ITIH2: variants seen among roughly 807,000 people sequenced by gnomAD.
ITIH2 encodes the protein inter-alpha-trypsin inhibitor heavy chain H2.
A neutral mutation model predicts 104.4 loss-of-function variants in ITIH2; 103 were observed. The ratio of observed to expected loss-of-function variants is 0.99; its 90% CI spans 0.84 to 1.16. ITIH2 has a LOEUF of 1.16. Among genes scored for constraint, ITIH2 ranks in the 50% most tolerant of loss-of-function variants. The pLI is 0.00. For missense variants in ITIH2, 1,108 were observed against 1,162.4 expected (o/e 0.95, Z 0.68); for synonymous variants, 436 against 435.4 (o/e 1.00, Z -0.02).
intron 12 of ITIH2, 115 bp from the exon 13 acceptor site, chr10:7,731,696 G>T: frequency 1.3e-6 from 1 of 753,004 alleles, no homozygotes; most frequent in Non-Finnish European, 2.0e-6. Context: ...CTGCACTCCA[G>T]CCTGGGCAAC....
chr10:7,705,092 C>A lies in ITIH2; in HGVS notation c.85-16C>A. ...TAATTAAAAAAAAAAAAGTTAAAAT[C>A]CTAATTTTTTTTAAGTTTGTAGACT... On this transcript the variant is annotated splice_polypyrimidine_tract_variant and intron_variant, in intron 1 of 20. Transcript: ENST00000358415. The A allele has an allele frequency of 1.3e-6, 2 of 1,559,182 alleles. No individual in the cohort carries two copies. The highest frequency in any genetic ancestry group is 1.7e-6 in the Non-Finnish European group (2 of 1,147,502).
Position 7,735,962 on chromosome 10 carries a change from C to T in ITIH2, c.1957+871C>T, listed in dbSNP as rs550452606. On this transcript the variant is annotated intron_variant, in intron 15 of 20. Transcript: ENST00000358415. ...TGCTGGGGTTACAGGCGTGAGCCAC[C>T]GTGCCTGACCATATCACTGTTTTCA... Among the ~76,000 whole-genome samples, 7 of 152,104 alleles carry T rather than the reference C, an allele frequency of 4.6e-5. No individual in the cohort carries two copies. The South Asian group carries it at 1.5e-3, about 32-fold the overall frequency.
intron 5 of ITIH2, among the ~76,000 whole-genome samples, chr10:7,714,795 G>A (rs1564299194): frequency 6.6e-6 from 1 of 152,056 alleles, no homozygotes; most frequent in Non-Finnish European, 1.5e-5. Context: ...CCTGTCTGGG[G>A]GTCCAGGAAA....
At chr10:7,731,359 CG>C (rs1835001233) in intron 12 of ITIH2, among the ~76,000 whole-genome samples, 1 of 152,168 alleles carries the variant, frequency 6.6e-6, no homozygotes, top group East Asian at 1.9e-4. Flanking sequence ...CTGATAATTA[CG>C]AGCATTTTCC....
chr10:7,707,406 T>A (rs774107019), intron 3 of ITIH2, among the ~76,000 whole-genome samples, 173 bp downstream of exon 3: 15 of 152,152 alleles, frequency 9.9e-5, no homozygotes, highest in Non-Finnish European at 1.9e-4. Context: ...AAGAGTGCAG[T>A]CTTTACAGAC....
intron 5 of ITIH2, among the ~76,000 whole-genome samples, chr10:7,714,165 ATT>A (rs996413668): frequency 0.026 from 2,180 of 83,778 alleles, 38 homozygotes; most frequent in African/African-American, 0.11. Context: ...CACACTCACT[ATT>A]TTTTTTTTTT....
chr10:7,708,936 G>T, intron 3 of ITIH2, 86 bp from the exon 4 acceptor site: 1 of 1,106,518 alleles, frequency 9.0e-7, no homozygotes, highest in Non-Finnish European at 1.4e-6. Flanking sequence ...GTAAAATGTA[G>T]TGTTGTTAAC....
chr10:7,731,738 AAAT>A lies in ITIH2; in HGVS notation c.1462-70_1462-68del, dbSNP rs371826480. The A allele has an allele frequency of 3.8e-4, 418 of 1,106,444 alleles. 2 individuals are homozygous for A. In the African/African-American group the frequency reaches 5.9e-3, roughly 16 times the overall value. The allele number at this position is 1,106,444 out of a possible 1,614,324, so 68.5% of individuals were successfully genotyped here. On this transcript the variant is annotated intron_variant, in intron 12 of 20. Transcript: ENST00000358415. Reference sequence around the variant, plus strand: ...AGACATCGTCTCAAAATAAATAAATAAATAAAATAAAATGCTTTAGATCTACAA... The same window carrying A: ...AGACATCGTCTCAAAATAAATAAATAAAAATAAAATGCTTTAGATCTACAA...
intron 4 of ITIH2, among the ~76,000 whole-genome samples, chr10:7,710,506 T>C (rs1054040021): frequency 6.6e-6 from 1 of 152,186 alleles, no homozygotes; most frequent in South Asian, 2.1e-4. Context: ...CACAGCAAAG[T>C]ACTGTGCATA....
intron 16 of ITIH2, among the ~76,000 whole-genome samples, chr10:7,741,228 G>C (rs1001625519): frequency 6.8e-6 from 1 of 146,956 alleles, no homozygotes; most frequent in Admixed American, 6.9e-5. Flanking sequence ...GCCTAGGCTG[G>C]AGTGCAATGG....
At chr10:7,712,643 G>T (rs1308710782) in intron 4 of ITIH2, among the ~76,000 whole-genome samples, 2 of 151,906 alleles carry the variant, frequency 1.3e-5, no homozygotes, top group South Asian at 2.1e-4. Flanking sequence ...TGAGGGAAAG[G>T]TTTTAGGATG....
intron 15 of ITIH2, among the ~76,000 whole-genome samples, chr10:7,737,699 A>T (rs62651620): frequency 0.3 from 4,417 of 14,568 alleles, 1,034 homozygotes; most frequent in Middle Eastern, 0.5. Flanking sequence ...TATTCTATAT[A>T]ATATTCTATA....
At chr10:7,728,594 C>T (rs188470978) in intron 11 of ITIH2, among the ~76,000 whole-genome samples, 28 of 151,822 alleles carry the variant, frequency 1.8e-4, no homozygotes, top group African/African-American at 6.5e-4. Flanking sequence ...CGAAGTCTCA[C>T]TATGTTGCTC....
chr10:7,734,194 C>T (rs1042900177), intron 14 of ITIH2, among the ~76,000 whole-genome samples: 1 of 152,106 alleles, frequency 6.6e-6, no homozygotes, highest in African/African-American at 2.4e-5. Flanking sequence ...GGGTCAGCCA[C>T]GTTAACTGTG....
chr10:7,719,775 A>AG (rs1316168794), intron 6 of ITIH2, among the ~76,000 whole-genome samples: 1 of 148,342 alleles, frequency 6.7e-6, no homozygotes, highest in Non-Finnish European at 1.5e-5. Flanking sequence ...AAAAAAAAAA[A>AG]AAAAAAAAGA....
intron 4 of ITIH2, among the ~76,000 whole-genome samples, chr10:7,711,966 G>T (rs1048864273): frequency 6.6e-6 from 1 of 152,136 alleles, no homozygotes; most frequent in Non-Finnish European, 1.5e-5. Flanking sequence ...CCAGCTAAAG[G>T]TAAGGTGTAT....
In ITIH2 at chr10:7,717,680, A is replaced by C. The variant is rs1231422488; in HGVS notation, c.522A>C (p.Gly174=). The C allele has an allele frequency of 1.2e-6, 2 of 1,613,764 alleles. No homozygotes were observed. Among genetic ancestry groups the C allele is most frequent in the African/African-American group, 2.7e-5 (2 of 74,910 alleles). The change falls in exon 6 of 21, where the codon GGA becomes GGC. Residue 174 remains glycine, a synonymous_variant. Transcript: ENST00000358415. Reference sequence around the variant, plus strand: ...GAACGGAAGTAAATGTCCTCCCAGGAGCAAAGGTGCAGTTCGAACTTCACT... The same window carrying C: ...GAACGGAAGTAAATGTCCTCCCAGGCGCAAAGGTGCAGTTCGAACTTCACT... ...NFRTEVNVLP[G]AKVQFELHYQ...
At chr10:7,729,472 A>C (rs1429712936) in intron 11 of ITIH2, among the ~76,000 whole-genome samples, 1 of 152,170 alleles carries the variant, frequency 6.6e-6, no homozygotes, top group African/African-American at 2.4e-5. Context: ...CTATATATAC[A>C]TGTTTGCACA....
chr10:7,721,733 G>A lies in ITIH2; in HGVS notation c.823G>A (p.Val275Met). The A allele has an allele frequency of 2.5e-6, 4 of 1,614,028 alleles. No individual in the cohort carries two copies. The highest frequency in any genetic ancestry group is 1.1e-5 in the South Asian group (1 of 91,082). ...RETAVDGELV[V>M]LYDVKREEKA... ...GACTGCGGTAGATGGGGAACTGGTG[G>A]TGCTGTATGACGTGAAAAGAGAAGA... Residue 275 changes from valine (V) to methionine (M), a missense_variant, in exon 8 of 21, where the codon GTG (valine) becomes ATG (methionine). Coordinates refer to ENST00000358415, the MANE Select transcript of ITIH2 (RefSeq NM_002216.3).
Sources: allele counts gnomAD v4.1 joint callset (sites outside exome capture counted in the v4.1 genomes callset), GRCh38; gene constraint gnomAD v4.1.1; transcripts MANE v1.5; gene names NCBI Gene and HGNC (gene_info 2026-07-23, HGNC 2026-07-21).